The following AP3B1 variants were observed in gnomAD, a reference collection of about 807,000 sequenced individuals.
AP3B1 encodes the protein adaptor related protein complex 3 subunit beta 1.
Under a neutral mutation model 132.5 loss-of-function variants are expected in AP3B1, and 61 were observed. That is an observed-to-expected ratio of 0.46 (90% confidence interval 0.37 to 0.57). The LOEUF (loss-of-function observed/expected upper bound fraction) is 0.57. Ranked by LOEUF, AP3B1 falls within the 20% of genes least tolerant of loss-of-function variation. The pLI, the probability that AP3B1 is intolerant of heterozygous loss-of-function variation, is 0.00. For missense variants in AP3B1, 1,120 were observed against 1,289.4 expected (o/e 0.87, Z 2.01); for synonymous variants, 388 against 438.3 (o/e 0.89, Z 1.43).
At chr5:78,017,109 TTTAACC>T (rs1343644384) in intron 25 of AP3B1, among the ~76,000 whole-genome samples, 2 of 152,108 alleles carry the variant, frequency 1.3e-5, no homozygotes, top group African/African-American at 4.8e-5. Context: ...TTGCTTCATA[TTTAACC>T]TTAACACTCT....
intron 2 of AP3B1, among the ~76,000 whole-genome samples, chr5:78,244,969 TG>T (rs1355237797): frequency 6.6e-6 from 1 of 151,682 alleles, no homozygotes; most frequent in Non-Finnish European, 1.5e-5. Flanking sequence ...CACTCCAGCG[TG>T]GTGACAGAGC....
chr5:78,167,829 A>G (rs1743709952), intron 11 of AP3B1, among the ~76,000 whole-genome samples: 1 of 152,088 alleles, frequency 6.6e-6, no homozygotes, highest in Admixed American at 6.6e-5. Flanking sequence ...GGATGCACAG[A>G]CATAAGAATA....
chr5:78,077,140 T>C (rs947745617), intron 22 of AP3B1, among the ~76,000 whole-genome samples: 9 of 152,202 alleles, frequency 5.9e-5, no homozygotes, highest in Non-Finnish European at 1.0e-4. Flanking sequence ...GTTTGTTTCA[T>C]GGATTGTTCT....
At chr5:78,144,004 C>CA (rs905621031) in intron 14 of AP3B1, among the ~76,000 whole-genome samples, 27 of 142,042 alleles carry the variant, frequency 1.9e-4, no homozygotes, top group East Asian at 4.1e-4. Context: ...GACTCTGTCT[C>CA]AAAAAAAAAA....
At chr5:78,029,812 T>G (rs1342918048) in intron 24 of AP3B1, among the ~76,000 whole-genome samples, 1 of 152,114 alleles carries the variant, frequency 6.6e-6, no homozygotes, top group Non-Finnish European at 1.5e-5. Flanking sequence ...CTGATCAGGT[T>G]TTAATTACTC....
At chr5:78,281,918 G>A (rs1340290618) in intron 1 of AP3B1, among the ~76,000 whole-genome samples, 1 of 151,624 alleles carries the variant, frequency 6.6e-6, no homozygotes, top group African/African-American at 2.4e-5. Context: ...GGAAAAAATG[G>A]TTAGGATGAT....
At position 78,027,103 on chromosome 5, in the gene AP3B1, T is replaced by C. The variant is rs371921800; in HGVS notation, c.2895-6314A>G. On this transcript the variant is annotated intron_variant, in intron 24 of 26. Transcript: ENST00000255194. ...TTGTAGAGAAGTTTTAAATTTTTAA[T>C]AGAAGAACCTGTTAGTTATTTTCCT... is the stretch of plus-strand genomic sequence containing the variant. Among the ~76,000 whole-genome samples the C allele has an allele frequency of 2.0e-5, 3 of 152,126 alleles. No individual in the cohort carries two copies. In the East Asian group the frequency reaches 5.8e-4, roughly 29 times the overall value.
intron 7 of AP3B1, among the ~76,000 whole-genome samples, chr5:78,193,517 A>C (rs1315979508): frequency 6.6e-6 from 1 of 151,608 alleles, no homozygotes; most frequent in Non-Finnish European, 1.5e-5. Context: ...TGGTATACTA[A>C]CCATACTTCA....
chr5:78,104,251 G>A (rs1751243695), intron 20 of AP3B1, among the ~76,000 whole-genome samples: 1 of 152,092 alleles, frequency 6.6e-6, no homozygotes, highest in Non-Finnish European at 1.5e-5. Context: ...TTAAAAATCT[G>A]AGGCTAACAC....
chr5:78,193,732 GTATATATTTTTTTATA>G lies in AP3B1; in HGVS notation c.787-12086_787-12071del, dbSNP rs1163122907. On this transcript the variant is annotated intron_variant, in intron 7 of 26. Coordinates refer to ENST00000255194, the MANE Select transcript of AP3B1 (RefSeq NM_003664.5). ...TATATTTACATATTTTTAAATATTT[GTATATATTTTTTTATA>G]TATATATATATATATATATATATTT... is the stretch of plus-strand genomic sequence containing the variant. Among the ~76,000 whole-genome samples the G allele has an allele frequency of 2.2e-3, 192 of 89,232 alleles. 1 individual carries two copies. The highest frequency in any genetic ancestry group is 7.1e-3 in the African/African-American group (176 of 24,794). The allele number at this position is 89,232 out of a possible 152,430, so 58.5% of individuals were successfully genotyped here. A position where few individuals can be genotyped will look rare whatever the true frequency, so the allele number is the denominator to read the frequency against.
chr5:78,074,805 G>A (rs1010465965), intron 22 of AP3B1, among the ~76,000 whole-genome samples: 7 of 152,014 alleles, frequency 4.6e-5, no homozygotes, highest in East Asian at 1.9e-4. Context: ...AAAACTAGCC[G>A]GGCGTGGTGG....
At chr5:78,052,016 G>T (rs1041444648) in intron 22 of AP3B1, among the ~76,000 whole-genome samples, 18 of 151,218 alleles carry the variant, frequency 1.2e-4, no homozygotes, top group African/African-American at 4.4e-4. Context: ...CCTAGAATAG[G>T]ATTTAAAAAA....
intron 20 of AP3B1, among the ~76,000 whole-genome samples, chr5:78,101,536 A>G (rs915811751): frequency 2.0e-5 from 3 of 152,108 alleles, no homozygotes; most frequent in Non-Finnish European, 4.4e-5. Context: ...TTTGCCAAAG[A>G]TATTCATTAA....
At chr5:78,206,276 AC>A (rs1207830573) in intron 7 of AP3B1, among the ~76,000 whole-genome samples, 1 of 152,178 alleles carries the variant, frequency 6.6e-6, no homozygotes, top group Non-Finnish European at 1.5e-5. Flanking sequence ...TTGTGATCAA[AC>A]TAAAATAGAC....
At position 78,186,378 on chromosome 5, in the gene AP3B1, T is replaced by C. The variant is rs1474825819; in HGVS notation, c.787-4716A>G. Among the ~76,000 whole-genome samples the C allele has an allele frequency of 2.0e-5, 3 of 152,142 alleles. No individual in the cohort carries two copies. The East Asian group carries it at 5.8e-4, about 29-fold the overall frequency. On this transcript the variant is annotated intron_variant, in intron 7 of 26. Transcript: ENST00000255194. ...TTCCATTTATATAACATTCTTGAAA[T>C]AACAAAACTATGGAAACAGAAAGAT...
chr5:78,223,027 C>CTCTTTTTTTTTTTTTTTTTTTT (rs66493022), intron 6 of AP3B1, among the ~76,000 whole-genome samples: 7 of 127,814 alleles, frequency 5.5e-5, no homozygotes, highest in Non-Finnish European at 8.3e-5. Flanking sequence ...TTGTTTGTTT[C>CTCTTTTTTTTTTTTTTTTTTTT]TTTTTTTTTT....
rs779423821 is a variant in AP3B1, at chr5:78,240,853, A to T, written c.279+9T>A. On this transcript the variant is annotated intron_variant, in intron 3 of 26. Coordinates refer to ENST00000255194, the MANE Select transcript of AP3B1 (RefSeq NM_003664.5). ...AAGGAATCATAAAAATTATAGATCA[A>T]AACAGTACCTCAATATTTTTACTGG... 5 of 1,590,934 alleles carry T rather than the reference A, an allele frequency of 3.1e-6. No individual in the cohort carries two copies. Among genetic ancestry groups the T allele is most frequent in the Non-Finnish European group, 4.3e-6 (5 of 1,159,172 alleles).
At chr5:78,166,468 C>A (rs1030603649) in intron 11 of AP3B1, among the ~76,000 whole-genome samples, 1 of 152,088 alleles carries the variant, frequency 6.6e-6, no homozygotes, top group Admixed American at 6.6e-5. Context: ...TTGATTTGTT[C>A]TCCTATAGTC....
At chr5:78,142,989 T>A (rs1013981169) in intron 14 of AP3B1, among the ~76,000 whole-genome samples, 3 of 152,160 alleles carry the variant, frequency 2.0e-5, no homozygotes, top group African/African-American at 7.2e-5. Context: ...TACATTAAAT[T>A]TTCCAGTATA....
Sources: allele counts gnomAD v4.1 joint callset (sites outside exome capture counted in the v4.1 genomes callset), GRCh38; gene constraint gnomAD v4.1.1; transcripts MANE v1.5; gene names NCBI Gene and HGNC (gene_info 2026-07-23, HGNC 2026-07-21).